The following PTGER3 variants were observed in gnomAD, a reference collection of about 807,000 sequenced individuals.
PTGER3 encodes the protein prostaglandin E receptor 3.
A neutral mutation model predicts 34.7 loss-of-function variants in PTGER3; 22 were observed. The observed-to-expected ratio is 0.63, with a 90% confidence interval of 0.45 to 0.91. PTGER3 has a LOEUF of 0.91. PTGER3 is among the 40% of genes least tolerant of loss of function. PTGER3 has a pLI of 0.00. For synonymous variants in PTGER3, 241 were observed against 230.1 expected, an observed-to-expected ratio of 1.05 and a Z score of -0.43; for missense variants, 468 against 519.4, an observed-to-expected ratio of 0.90 and a Z score of 0.96.
intron 4 of PTGER3, among the ~76,000 whole-genome samples, chr1:70,910,181 AG>A (rs1028837930): frequency 2.0e-5 from 3 of 152,182 alleles, no homozygotes; most frequent in African/African-American, 7.2e-5. Context: ...AGGAAAATGA[AG>A]GTCTACAGTT....
At chr1:70,939,748 G>A (rs553067) in intron 4 of PTGER3, among the ~76,000 whole-genome samples, 70,519 of 152,024 alleles carry the variant, frequency 0.46, 18,551 homozygotes, top group East Asian at 0.71. Context: ...AGGACACCAA[G>A]TCCCTAGGCT....
chr1:70,983,992 G>A (rs545234150), intron 2 of PTGER3, among the ~76,000 whole-genome samples: 7 of 152,190 alleles, frequency 4.6e-5, no homozygotes, highest in South Asian at 4.2e-4. Context: ...GAAGACGAAC[G>A]GTACACACAA....
chr1:70,889,239 C>G (rs1216198833), intron 4 of PTGER3, among the ~76,000 whole-genome samples: 1 of 151,876 alleles, frequency 6.6e-6, no homozygotes, highest in Non-Finnish European at 1.5e-5. Flanking sequence ...CACGGTGAAA[C>G]CCCGTCTCTA....
intron 2 of PTGER3, among the ~76,000 whole-genome samples, chr1:70,987,286 A>G (rs573258929): frequency 2.0e-5 from 3 of 152,370 alleles, no homozygotes; most frequent in African/African-American, 7.2e-5. Flanking sequence ...ATATATGTCT[A>G]AAGACAAATT....
intron 4 of PTGER3, among the ~76,000 whole-genome samples, chr1:70,868,438 T>A (rs1412128919): frequency 6.6e-6 from 1 of 152,232 alleles, no homozygotes; most frequent in Non-Finnish European, 1.5e-5. Flanking sequence ...ACACAGTGTC[T>A]GTTTATTATT....
At chr1:70,861,706 A>T (rs1268617288) in intron 4 of PTGER3, among the ~76,000 whole-genome samples, 1 of 152,144 alleles carries the variant, frequency 6.6e-6, no homozygotes, top group Non-Finnish European at 1.5e-5. Flanking sequence ...ATTAGCAAAA[A>T]AAAAAACAAA....
At chr1:70,963,063 C>G (rs1042991197) in intron 2 of PTGER3, among the ~76,000 whole-genome samples, 1 of 152,280 alleles carries the variant, frequency 6.6e-6, no homozygotes, top group East Asian at 1.9e-4. Flanking sequence ...AGGCCCCACC[C>G]AATTATGAAT....
intron 1 of PTGER3, among the ~76,000 whole-genome samples, chr1:71,028,044 T>C (rs1659088916): frequency 6.6e-6 from 1 of 152,168 alleles, no homozygotes; most frequent in South Asian, 2.1e-4. Context: ...TGTGTAGGTA[T>C]CATCACTGCA....
At chr1:70,902,889 G>C (rs552137106) in intron 4 of PTGER3, among the ~76,000 whole-genome samples, 1 of 152,138 alleles carries the variant, frequency 6.6e-6, no homozygotes, top group African/African-American at 2.4e-5. Context: ...TACCTGTAGC[G>C]GGTTGAATGC....
At chr1:70,959,004 T>G (rs9425050) in intron 2 of PTGER3, among the ~76,000 whole-genome samples, 15,833 of 152,238 alleles carry the variant, frequency 0.1, 942 homozygotes, top group Middle Eastern at 0.21. Flanking sequence ...TGAATTTATT[T>G]CTTGGTTCTC....
chr1:70,885,072 A>G (rs1646468874), intron 4 of PTGER3, among the ~76,000 whole-genome samples: 1 of 152,204 alleles, frequency 6.6e-6, no homozygotes, highest in South Asian at 2.1e-4. Flanking sequence ...TGCAAGAGCC[A>G]AAATTTGTCT....
rs1432713291 is a variant in PTGER3, at chr1:70,854,520, G to A, written c.*24-1661C>T. Among the ~76,000 whole-genome samples the A allele has an allele frequency of 2.6e-5, 4 of 152,116 alleles. No homozygotes were observed. In the East Asian group the frequency reaches 7.7e-4, roughly 29 times the overall value. On this transcript the variant is annotated intron_variant, in intron 4 of 4. Transcript: ENST00000370931. ...AGGAGGGGCCTGGTGGGAGATGATT[G>A]CTCATGGGGACAGATTTCCCCCTTG...
intron 4 of PTGER3, among the ~76,000 whole-genome samples, chr1:70,925,658 AAAC>A (rs2100465625): frequency 6.6e-6 from 1 of 152,282 alleles, no homozygotes; most frequent in African/African-American, 2.4e-5. Flanking sequence ...AGAACAAACT[AAAC>A]AACATAATAT....
At chr1:70,917,071 A>G (rs1304777279) in intron 4 of PTGER3, among the ~76,000 whole-genome samples, 1 of 151,984 alleles carries the variant, frequency 6.6e-6, no homozygotes, top group African/African-American at 2.4e-5. Context: ...CTTGAAATAT[A>G]CACTACATTG....
At chr1:70,889,592 A>G (rs1164396046) in intron 4 of PTGER3, among the ~76,000 whole-genome samples, 1 of 152,180 alleles carries the variant, frequency 6.6e-6, no homozygotes, top group Non-Finnish European at 1.5e-5. Flanking sequence ...AGAAAATTAA[A>G]TGACCAAAAG....
intron 2 of PTGER3, among the ~76,000 whole-genome samples, chr1:70,964,524 C>T (rs1025950098): frequency 6.6e-6 from 1 of 152,136 alleles, no homozygotes; most frequent in African/African-American, 2.4e-5. Flanking sequence ...TGCAGGGGAA[C>T]TCCCCTTTAT....
intron 2 of PTGER3, among the ~76,000 whole-genome samples, chr1:70,979,839 T>TA (rs1196046230): frequency 1.3e-5 from 2 of 152,192 alleles, no homozygotes; most frequent in Non-Finnish European, 2.9e-5. Flanking sequence ...CTAAAGAGAT[T>TA]ATACAGTTAC....
At chr1:70,866,145 G>A (rs1646037658) in intron 4 of PTGER3, among the ~76,000 whole-genome samples, 1 of 152,094 alleles carries the variant, frequency 6.6e-6, no homozygotes, top group African/African-American at 2.4e-5. Context: ...AGCACCTTGG[G>A]GGTCCCATAT....
chr1:71,024,312 A>C (rs899642523), intron 1 of PTGER3, among the ~76,000 whole-genome samples: 6 of 152,158 alleles, frequency 3.9e-5, no homozygotes, highest in Non-Finnish European at 8.8e-5. Context: ...TGAAACATCA[A>C]TTTATTTGAT....
Sources: gnomAD v4.1 joint callset for allele counts (sites outside exome capture counted in the v4.1 genomes callset) on GRCh38, gnomAD v4.1.1 for gene constraint, MANE v1.5 for transcripts, NCBI Gene and HGNC (gene_info 2026-07-23, HGNC 2026-07-21) for gene names.